Variants in HMCN1 observed in about 807,000 individuals in gnomAD.
The protein encoded by HMCN1 is hemicentin 1.
In HMCN1, 321 loss-of-function variants were observed where a neutral mutation model predicts 625.9. That is an observed-to-expected ratio of 0.51 (90% CI 0.47 to 0.56). The LOEUF is 0.56. HMCN1 is among the 20% of genes least tolerant of loss of function. The pLI is 0.00. For missense variants in HMCN1, 6,588 were observed against 6,887.3 expected, an observed-to-expected ratio of 0.96 and a Z score of 1.54; for synonymous variants, 2,425 against 2,417.6, an observed-to-expected ratio of 1.00 and a Z score of -0.09.
intron 52 of HMCN1, among the ~76,000 whole-genome samples, chr1:186,073,909 A>T (rs866609563): frequency 6.6e-6 from 1 of 152,108 alleles, no homozygotes; most frequent in Non-Finnish European, 1.5e-5. Flanking sequence ...TATAAGGTCT[A>T]GGTATGACTC....
chr1:185,739,503 G>C (rs1427002985), intron 1 of HMCN1, among the ~76,000 whole-genome samples: 1 of 152,172 alleles, frequency 6.6e-6, no homozygotes, highest in Non-Finnish European at 1.5e-5. Context: ...CCAGAGACAG[G>C]AGGAGAGGGA....
chr1:186,078,070 G>T, intron 54 of HMCN1, 37 bp from the exon 55 acceptor site: 12 of 1,454,516 alleles, frequency 8.3e-6, no homozygotes, highest in Non-Finnish European at 1.2e-5. Context: ...TTCACTCTAA[G>T]ATTAGAGGAG....
rs1354442637 is a variant in HMCN1 at position 186,082,875 on chromosome 1, C to G, written c.8798C>G (p.Thr2933Ser). 6.3e-7 allele frequency: 1 copy of G among 1,575,834 alleles called. No homozygotes were observed. The highest frequency in any genetic ancestry group is 8.6e-7 in the Non-Finnish European group (1 of 1,158,464). The change falls in exon 57 of 107, where the codon ACT (threonine) becomes AGT (serine). Residue 2933 changes from threonine (T) to serine (S), a missense_variant. Physicochemically the swap from Thr to Ser is moderately conservative, Grantham distance 58. This residue lies in a region of HMCN1 where 4,628 missense variants were observed against 4,853.1 expected (regional missense o/e 0.95). Transcript: ENST00000271588. ...SNGRILQILN[T>S]QITDIGRYVC... ...TCATTTTTCCCTTAGATTCTGAATACTCAAATAACAGATATCGGCAGGTAT... is the reference window on the plus strand; with the variant it reads ...TCATTTTTCCCTTAGATTCTGAATAGTCAAATAACAGATATCGGCAGGTAT...
chr1:186,164,512 G>A (rs1408969999), intron 97 of HMCN1, among the ~76,000 whole-genome samples: 1 of 151,990 alleles, frequency 6.6e-6, no homozygotes, highest in Non-Finnish European at 1.5e-5. Context: ...CAAAGTGCTG[G>A]GATTACAGGC....
chr1:186,186,590 C>T (rs1465673659), intron 105 of HMCN1, among the ~76,000 whole-genome samples: 2 of 152,114 alleles, frequency 1.3e-5, no homozygotes, highest in Non-Finnish European at 2.9e-5. Context: ...ATAAGGCCTG[C>T]CAGCCACCTC....
chr1:185,801,886 T>C lies in HMCN1; in HGVS notation c.269-44140T>C, dbSNP rs74135343. On this transcript the variant is annotated intron_variant, in intron 1 of 106. Transcript: ENST00000271588. ...AGTTTCAGTTGCATCCTATGAGCGATAGAAAGTCATTGGAAGGATTTAATT... is the reference window on the plus strand; with the variant it reads ...AGTTTCAGTTGCATCCTATGAGCGACAGAAAGTCATTGGAAGGATTTAATT... Among the ~76,000 whole-genome samples the C allele has an allele frequency of 9.1e-3, 1,390 of 152,260 alleles. 20 individuals are homozygous for C. Among genetic ancestry groups the C allele is most frequent in the African/African-American group, 0.03 (1,256 of 41,556 alleles).
At chr1:185,837,345 A>G (rs74368355) in intron 1 of HMCN1, among the ~76,000 whole-genome samples, 98 of 152,100 alleles carry the variant, frequency 6.4e-4, no homozygotes, top group Middle Eastern at 3.4e-3. Context: ...TGAAGTTTGC[A>G]TCTCTTTCAC....
At chr1:185,872,657 C>A (rs943428917) in intron 4 of HMCN1, among the ~76,000 whole-genome samples, 3 of 151,910 alleles carry the variant, frequency 2.0e-5, no homozygotes, top group Non-Finnish European at 4.4e-5. Flanking sequence ...GGGGATGAGA[C>A]CAGATATGGG....
At chr1:186,086,548 G>A in intron 58 of HMCN1, 141 bp downstream of exon 58, 2 of 849,296 alleles carry the variant, frequency 2.4e-6, no homozygotes, top group African/African-American at 1.7e-5. Flanking sequence ...TTGCCCATTT[G>A]TGGTCATTAA....
At chr1:185,763,683 A>T (rs1655666076) in intron 1 of HMCN1, among the ~76,000 whole-genome samples, 1 of 152,166 alleles carries the variant, frequency 6.6e-6, no homozygotes, top group South Asian at 2.1e-4. Context: ...ATGGTCATGT[A>T]TATTATCTCA....
At chr1:186,057,174 T>C in intron 45 of HMCN1, 60 bp from the exon 46 acceptor site, 1 of 1,336,158 alleles carries the variant, frequency 7.5e-7, no homozygotes, top group Non-Finnish European at 1.1e-6. Context: ...ATCAGGTATA[T>C]CAAATGTATA....
intron 1 of HMCN1, among the ~76,000 whole-genome samples, chr1:185,834,828 A>T (rs1661069410): frequency 4.6e-5 from 7 of 152,208 alleles, no homozygotes; most frequent in Admixed American, 4.6e-4. Context: ...GTGAGCTCTA[A>T]TTCAGAAGAG....
chr1:185,743,256 T>C (rs778772726), intron 1 of HMCN1, among the ~76,000 whole-genome samples: 1 of 152,256 alleles, frequency 6.6e-6, no homozygotes, highest in Non-Finnish European at 1.5e-5. Context: ...TGGGTATTTT[T>C]ATCCTGCCTT....
intron 100 of HMCN1, among the ~76,000 whole-genome samples, chr1:186,167,977 A>T (rs1380582238): frequency 2.0e-5 from 3 of 152,106 alleles, no homozygotes; most frequent in African/African-American, 7.2e-5. Context: ...CCAAAACTGA[A>T]TGTCTATCAA....
intron 1 of HMCN1, among the ~76,000 whole-genome samples, chr1:185,771,963 C>G (rs1656270650): frequency 6.6e-6 from 1 of 151,940 alleles, no homozygotes; most frequent in African/African-American, 2.4e-5. Flanking sequence ...TAGAAGTAAC[C>G]AAAAATGAAA....
chr1:185,994,213 G>A (rs1030407953), intron 23 of HMCN1, among the ~76,000 whole-genome samples: 1 of 152,052 alleles, frequency 6.6e-6, no homozygotes, highest in African/African-American at 2.4e-5. Flanking sequence ...AGTGCACAAT[G>A]CAAGTATGTG....
chr1:186,133,552 T>C (rs1662059552), intron 86 of HMCN1, among the ~76,000 whole-genome samples: 1 of 152,116 alleles, frequency 6.6e-6, no homozygotes, highest in Non-Finnish European at 1.5e-5. Context: ...TGTCACTGGG[T>C]TGAGAATTTA....
At chr1:186,189,435 T>C in intron 106 of HMCN1, 77 bp from the exon 107 acceptor site, 1 of 1,548,758 alleles carries the variant, frequency 6.5e-7, no homozygotes, top group Non-Finnish European at 8.8e-7. Context: ...AAAGTTGTCA[T>C]GGATCATGAT....
chr1:185,789,872 AT>A (rs901194088), intron 1 of HMCN1, among the ~76,000 whole-genome samples: 3 of 152,106 alleles, frequency 2.0e-5, no homozygotes, highest in Non-Finnish European at 2.9e-5. Flanking sequence ...CATTAACTCT[AT>A]TTTTTCCCCC....
Sources: allele counts gnomAD v4.1 joint callset (sites outside exome capture counted in the v4.1 genomes callset), GRCh38; gene constraint gnomAD v4.1.1; regional missense constraint gnomAD v4.1.1; transcripts MANE v1.5; gene names NCBI Gene and HGNC (gene_info 2026-07-23, HGNC 2026-07-21).